Variants in DLEU7 observed in about 807,000 individuals in gnomAD.
DLEU7 encodes leukemia-associated protein 7.
A neutral mutation model predicts 16.0 loss-of-function variants in DLEU7; 17 were observed. The ratio of observed to expected loss-of-function variants is 1.06; its 90% CI spans 0.73 to 1.59. The LOEUF (loss-of-function observed/expected upper bound fraction) is 1.59. Ranked by LOEUF, DLEU7 falls within the 40% of genes most tolerant of loss-of-function variation. The pLI is 0.00. For missense variants in DLEU7, 308 were observed against 314.9 expected (o/e 0.98, Z 0.17); for synonymous variants, 113 against 139.8 (o/e 0.81, Z 1.35).
intron 1 of DLEU7, among the ~76,000 whole-genome samples, chr13:50,789,033 T>G (rs750373700): frequency 3.9e-5 from 6 of 152,060 alleles, no homozygotes; most frequent in Non-Finnish European, 4.4e-5. Context: ...TTGGAAAACA[T>G]ACATCTGGAG....
chr13:50,714,240 C>T (rs1465834120), intron 1 of DLEU7, among the ~76,000 whole-genome samples: 6 of 152,166 alleles, frequency 3.9e-5, no homozygotes, highest in African/African-American at 1.4e-4. Flanking sequence ...GGGCTAGAAG[C>T]GTTGTTTCAT....
intron 1 of DLEU7, among the ~76,000 whole-genome samples, chr13:50,809,897 T>C (rs1230503352): frequency 6.6e-6 from 1 of 152,078 alleles, no homozygotes; most frequent in Non-Finnish European, 1.5e-5. Flanking sequence ...TTTATAGTAT[T>C]TGTCAGGGAA....
chr13:50,738,078 C>T (rs1001151614), intron 1 of DLEU7, among the ~76,000 whole-genome samples: 4 of 152,014 alleles, frequency 2.6e-5, no homozygotes, highest in Non-Finnish European at 2.9e-5. Flanking sequence ...CACAACATTC[C>T]CTTAAGCCAA....
At chr13:50,711,772 C>G (rs1217477867), downstream of DLEU7, 14 of 73,004 alleles carry the variant, frequency 1.9e-4, 3 homozygotes, top group South Asian at 9.1e-4. Flanking sequence ...GACCCAGTGG[C>G]GGGGGCGGGG....
intron 1 of DLEU7, among the ~76,000 whole-genome samples, chr13:50,770,411 T>C (rs1440405678): frequency 6.6e-6 from 1 of 152,204 alleles, no homozygotes; most frequent in Non-Finnish European, 1.5e-5. Flanking sequence ...TGTGGGTTTT[T>C]CATAAATAGC....
chr13:50,829,145 T>C (rs146363459), intron 1 of DLEU7, among the ~76,000 whole-genome samples: 184 of 152,278 alleles, frequency 1.2e-3, no homozygotes, highest in African/African-American at 4.3e-3. Flanking sequence ...CCCAAGACAA[T>C]TCTTCTAATG....
At chr13:50,770,629 A>G (rs1168546272) in intron 1 of DLEU7, among the ~76,000 whole-genome samples, 1 of 152,174 alleles carries the variant, frequency 6.6e-6, no homozygotes, top group African/African-American at 2.4e-5. Context: ...AGCCAACTTG[A>G]TCGTGGTGGA....
intron 1 of DLEU7, among the ~76,000 whole-genome samples, chr13:50,747,371 T>TGTGTGTGTGTGTGA (rs547782037): frequency 4.5e-5 from 3 of 66,028 alleles, no homozygotes; most frequent in Non-Finnish European, 8.5e-5. Context: ...TGTGTGTGTG[T>TGTGTGTGTGTGTGA]GACAGAGAGG....
At chr13:50,766,210 C>A (rs1403569639) in intron 1 of DLEU7, among the ~76,000 whole-genome samples, 1 of 152,142 alleles carries the variant, frequency 6.6e-6, no homozygotes, top group Non-Finnish European at 1.5e-5. Context: ...GCTCACTGAG[C>A]ATTGGATGCT....
chr13:50,750,883 C>A (rs1242188147), intron 1 of DLEU7, among the ~76,000 whole-genome samples: 1 of 152,156 alleles, frequency 6.6e-6, no homozygotes, highest in Non-Finnish European at 1.5e-5. Flanking sequence ...CATCAGCAAA[C>A]AGGACAGTCT....
chr13:50,721,643 A>G (rs1216987064), intron 1 of DLEU7, among the ~76,000 whole-genome samples: 1 of 152,222 alleles, frequency 6.6e-6, no homozygotes, highest in Non-Finnish European at 1.5e-5. Context: ...CAAAGGAAAT[A>G]AAATTTTTGA....
intron 1 of DLEU7, among the ~76,000 whole-genome samples, chr13:50,753,804 C>A (rs2476623): frequency 0.47 from 71,483 of 151,996 alleles, 17,784 homozygotes; most frequent in African/African-American, 0.62. Context: ...AAAGTGGGAG[C>A]CCAGGCAGAG....
At chr13:50,735,817 A>G (rs1874054639) in intron 1 of DLEU7, among the ~76,000 whole-genome samples, 1 of 152,184 alleles carries the variant, frequency 6.6e-6, no homozygotes, top group South Asian at 2.1e-4. Context: ...ACCGCCTCAC[A>G]TCAGTCGGCA....
intron 1 of DLEU7, among the ~76,000 whole-genome samples, chr13:50,739,055 T>A (rs529658979): frequency 2.0e-5 from 3 of 151,802 alleles, no homozygotes; most frequent in Non-Finnish European, 4.4e-5. Flanking sequence ...GTTCTTCTTA[T>A]CATGTTCTTT....
At chr13:50,713,330 C>G in intron 1 of DLEU7, 2 of 1,481,890 alleles carry the variant, frequency 1.3e-6, no homozygotes, top group Non-Finnish European at 1.8e-6. Context: ...CACTATATTG[C>G]ATTTTAGGAA....
chr13:50,772,672 G>A (rs1224748932), intron 1 of DLEU7, among the ~76,000 whole-genome samples: 18 of 152,126 alleles, frequency 1.2e-4, no homozygotes, highest in African/African-American at 1.2e-4. Context: ...TGGGTAACCC[G>A]ACCTTTCTCT....
intron 1 of DLEU7, among the ~76,000 whole-genome samples, chr13:50,737,832 T>C (rs1264260432): frequency 6.6e-6 from 1 of 152,152 alleles, no homozygotes; most frequent in Non-Finnish European, 1.5e-5. Flanking sequence ...TGATGTCTCT[T>C]GCTTTAAAGT....
intron 1 of DLEU7, among the ~76,000 whole-genome samples, chr13:50,732,286 C>T (rs538234701): frequency 3.4e-4 from 52 of 152,194 alleles, no homozygotes; most frequent in African/African-American, 1.1e-3. Flanking sequence ...ATCTCCATCA[C>T]GTCTCACTTA....
At chr13:50,841,591 G>A (rs979222441) in intron 1 of DLEU7, among the ~76,000 whole-genome samples, 23 of 152,030 alleles carry the variant, frequency 1.5e-4, no homozygotes, top group African/African-American at 4.8e-4. Context: ...TCAGCCAGAT[G>A]TGGTGGTACA....
Sources: gnomAD v4.1 joint callset for allele counts (sites outside exome capture counted in the v4.1 genomes callset) on GRCh38, gnomAD v4.1.1 for gene constraint, MANE v1.5 for transcripts, NCBI Gene and HGNC (gene_info 2026-07-23, HGNC 2026-07-21) for gene names.